Variants in STK32B observed in about 807,000 individuals in gnomAD.
STK32B encodes the protein serine/threonine-protein kinase 32B.
STK32B carries 43 observed loss-of-function variants against 52.6 expected under a neutral mutation model. That is an observed-to-expected ratio of 0.82 (90% CI 0.64 to 1.05). STK32B has a LOEUF of 1.05. Ranked by LOEUF, STK32B falls within the 50% of genes least tolerant of loss-of-function variation. STK32B has a pLI of 0.00. For synonymous variants in STK32B, 238 were observed against 204.3 expected (o/e 1.17, Z -1.41); for missense variants, 621 against 534.6 (o/e 1.16, Z -1.59).
At chr4:5,480,704 G>A (rs894833383) in intron 11 of STK32B, among the ~76,000 whole-genome samples, 1 of 151,946 alleles carries the variant, frequency 6.6e-6, no homozygotes, top group African/African-American at 2.4e-5. Context: ...TTAACATTAG[G>A]TATATCTCCT....
In STK32B at chr4:5,470,203, G is replaced by A. The variant is rs1231812279; in HGVS notation, c.1106+2133G>A. Among the ~76,000 whole-genome samples, 1 of 152,198 alleles carries A rather than the reference G, an allele frequency of 6.6e-6. No individual in the cohort carries two copies. Among genetic ancestry groups the A allele is most frequent in the African/African-American group, 2.4e-5 (1 of 41,446 alleles). ...TTAGCAGAAACCTCACTATATAGGA[G>A]CTTCAGCCGAGTAGATGTTTTCTTC... On this transcript the variant is annotated intron_variant, in intron 11 of 11. Transcript: ENST00000282908. The surrounding 1 kb of genome is among the most constrained non-coding windows in gnomAD (Gnocchi z 4.6).
In STK32B at chr4:5,170,451, G is replaced by A. The variant is rs192959587; in HGVS notation, c.260+2001G>A. 3.3e-3 allele frequency among the ~76,000 whole-genome samples: 502 copies of A among 151,776 alleles called. 7 individuals are homozygous for A. The highest frequency in any genetic ancestry group is 0.011 in the African/African-American group (459 of 41,334). On this transcript the variant is annotated intron_variant, in intron 3 of 11. Coordinates refer to ENST00000282908, the MANE Select transcript of STK32B (RefSeq NM_018401.3). ...ATTAGGTATATCTCCTAATGCTATC[G>A]CTCCCCCGTCCCCCCACCCCACAAC...
At chr4:5,024,856 C>A in the STK32B span, among the ~76,000 whole-genome samples, 1 of 152,328 alleles carries the variant, frequency 6.6e-6, no homozygotes, top group South Asian at 2.1e-4. Flanking sequence ...TGTATGTCAT[C>A]CATGGGCAGT....
chr4:5,078,464 C>A (rs1712215695), intron 1 of STK32B, among the ~76,000 whole-genome samples: 1 of 152,092 alleles, frequency 6.6e-6, no homozygotes, highest in Non-Finnish European at 1.5e-5. Flanking sequence ...AATGCAAGGC[C>A]ACATTATTGT....
chr4:5,229,531 C>G lies in STK32B; in HGVS notation c.260+61081C>G, dbSNP rs149139723. 2.4e-3 allele frequency among the ~76,000 whole-genome samples: 370 copies of G among 152,262 alleles called. 2 individuals carry two copies. The highest frequency in any genetic ancestry group is 8.3e-3 in the African/African-American group (345 of 41,548). ...CCAAAGTCAGAACTCCCTGATATGT[C>G]AGTTTCACCTTTTCCAGCACAGTTA... On this transcript the variant is annotated intron_variant, in intron 3 of 11. Coordinates refer to ENST00000282908, the MANE Select transcript of STK32B (RefSeq NM_018401.3).
intron 2 of STK32B, among the ~76,000 whole-genome samples, chr4:5,154,681 A>C (rs922806305): frequency 2.0e-5 from 3 of 152,102 alleles, no homozygotes; most frequent in African/African-American, 7.2e-5. Flanking sequence ...TCTCTCTCAC[A>C]CAGCAGCGCC....
chr4:5,359,382 TCCCTCCCTC>T lies in STK32B; in HGVS notation c.434+27992_434+28000del, dbSNP rs1389697585. On this transcript the variant is annotated intron_variant, in intron 4 of 11. Transcript: ENST00000282908. The stretch of plus-strand genomic sequence containing the variant: ...ACTCATCCAACCACTCATCCAACCC[TCCCTCCCTC>T]CCTCCCTCCCTCCCTCCCTCCATCC... Among the ~76,000 whole-genome samples the T allele has an allele frequency of 3.6e-5, 5 of 140,786 alleles. No individual in the cohort carries two copies. In the East Asian group the frequency reaches 6.7e-4, roughly 19 times the overall value. The allele number at this position is 140,786 out of a possible 152,430, so 92.4% of individuals were successfully genotyped here.
intron 4 of STK32B, among the ~76,000 whole-genome samples, chr4:5,357,011 A>G (rs1224901756): frequency 8.0e-5 from 11 of 138,312 alleles, no homozygotes; most frequent in African/African-American, 1.5e-4. Flanking sequence ...ATATGTGTAT[A>G]TATATATATA....
At chr4:5,357,417 G>A (rs575003294) in intron 4 of STK32B, among the ~76,000 whole-genome samples, 9 of 152,268 alleles carry the variant, frequency 5.9e-5, no homozygotes, top group Admixed American at 5.2e-4. Context: ...AACTACAGTT[G>A]ATTTGGGAGG....
In STK32B at chr4:5,378,872, C is replaced by G. The variant is rs1228013879; in HGVS notation, c.435-19335C>G. 1.3e-5 allele frequency among the ~76,000 whole-genome samples: 2 copies of G among 152,126 alleles called. No homozygotes were observed. The highest frequency in any genetic ancestry group is 1.3e-4 in the Admixed American group (2 of 15,280). ...GCTTGTGATCCTGGCACGCTGCTGCCATCCTTGCAGCATTAAAGGCGTCAT... is the reference window on the plus strand; with the variant it reads ...GCTTGTGATCCTGGCACGCTGCTGCGATCCTTGCAGCATTAAAGGCGTCAT... On this transcript the variant is annotated intron_variant, in intron 4 of 11. Transcript: ENST00000282908. The surrounding 1 kb of genome is among the most constrained non-coding windows in gnomAD (Gnocchi z 4.4).
At chr4:5,186,994 TC>T (rs1009576378) in intron 3 of STK32B, among the ~76,000 whole-genome samples, 1 of 152,190 alleles carries the variant, frequency 6.6e-6, no homozygotes, top group African/African-American at 2.4e-5. Flanking sequence ...GCTGAGCTGT[TC>T]AGAGGGCTGC....
chr4:5,035,504 C>T, the STK32B span, among the ~76,000 whole-genome samples: 1 of 152,074 alleles, frequency 6.6e-6, no homozygotes, highest in East Asian at 1.9e-4. Flanking sequence ...GGGTGAAGAC[C>T]CCCACCCACA....
Position 5,469,107 on chromosome 4 carries a change from C to T in STK32B, c.1106+1037C>T, listed in dbSNP as rs1717662380. 6.6e-6 allele frequency among the ~76,000 whole-genome samples: 1 copy of T among 151,620 alleles called. No individual in the cohort carries two copies. The highest frequency in any genetic ancestry group is 1.5e-5 in the Non-Finnish European group (1 of 68,002). ...TGTGGCTGTGGCTGACTTGTCAGAG[C>T]TGGGGCTCCAGCAGGGGCAGCCGAT... On this transcript the variant is annotated intron_variant, in intron 11 of 11. Transcript: ENST00000282908. This position sits in a 1 kb window ranked among gnomAD's most constrained non-coding sequence, Gnocchi z 4.7.
At chr4:5,477,574 G>C (rs1265951396) in intron 11 of STK32B, among the ~76,000 whole-genome samples, 1 of 152,160 alleles carries the variant, frequency 6.6e-6, no homozygotes, top group African/African-American at 2.4e-5. Flanking sequence ...CAACAACCAA[G>C]TGTGTTCCTT....
intron 2 of STK32B, among the ~76,000 whole-genome samples, chr4:5,165,458 A>C (rs1369480472): frequency 6.6e-6 from 1 of 152,124 alleles, no homozygotes; most frequent in Admixed American, 6.5e-5. Flanking sequence ...TCTTTATCTG[A>C]AGGGACGCAG....
chr4:5,264,794 A>C (rs573492236), intron 3 of STK32B, among the ~76,000 whole-genome samples: 3 of 152,294 alleles, frequency 2.0e-5, no homozygotes, highest in East Asian at 1.9e-4. Flanking sequence ...CTCAAACAAA[A>C]AAAAAAATTG....
intron 1 of STK32B, among the ~76,000 whole-genome samples, chr4:5,079,709 A>G (rs1035991955): frequency 2.0e-5 from 3 of 152,192 alleles, no homozygotes; most frequent in African/African-American, 4.8e-5. Context: ...CACTCAGTCT[A>G]CAATGAATCC....
chr4:5,497,124 T>G (rs866629231), intron 11 of STK32B, among the ~76,000 whole-genome samples: 3 of 152,218 alleles, frequency 2.0e-5, no homozygotes, highest in African/African-American at 4.8e-5. Flanking sequence ...ATAGTCATGG[T>G]ATTTTAATGC....
intron 11 of STK32B, among the ~76,000 whole-genome samples, chr4:5,489,360 A>C (rs1719498962): frequency 6.6e-6 from 1 of 152,224 alleles, no homozygotes; most frequent in Non-Finnish European, 1.5e-5. Flanking sequence ...CTAAAGTTAA[A>C]TGCATGGTTT....
Sources: gnomAD v4.1 joint callset for allele counts (sites outside exome capture counted in the v4.1 genomes callset) on GRCh38, gnomAD v4.1.1 for gene constraint, Gnocchi (gnomAD v3.1) non-coding constraint, MANE v1.5 for transcripts, NCBI Gene and HGNC (gene_info 2026-07-23, HGNC 2026-07-21) for gene names.